Variants in PICALM observed in about 807,000 individuals in gnomAD.
PICALM encodes the protein phosphatidylinositol binding clathrin assembly protein.
In PICALM, 40 loss-of-function variants were observed where a neutral mutation model predicts 80.5. The ratio of observed to expected loss-of-function variants is 0.50; its 90% CI spans 0.39 to 0.65. PICALM has a LOEUF of 0.65. Among genes scored for constraint, PICALM ranks in the 30% least tolerant of loss-of-function variants. PICALM has a pLI of 0.00. For synonymous variants in PICALM, 288 were observed against 260.3 expected (o/e 1.11, Z -1.02); for missense variants, 676 against 778.9 (o/e 0.87, Z 1.57).
intron 11 of PICALM, among the ~76,000 whole-genome samples, chr11:86,000,097 A>G (rs2095097217): frequency 6.6e-6 from 1 of 152,256 alleles, no homozygotes; most frequent in Non-Finnish European, 1.5e-5. Flanking sequence ...CAATTGTTTT[A>G]CTTTACCTGG....
At chr11:86,033,299 T>C (rs1238320899) in intron 1 of PICALM, among the ~76,000 whole-genome samples, 1 of 152,214 alleles carries the variant, frequency 6.6e-6, no homozygotes, top group Non-Finnish European at 1.5e-5. Flanking sequence ...TACTGTACTA[T>C]GTATGTTATA....
intron 17 of PICALM, chr11:85,977,967 G>T (rs1263221551): frequency 5.9e-6 from 5 of 840,976 alleles, no homozygotes; most frequent in Non-Finnish European, 1.0e-5. Context: ...TTGAAAATCT[G>T]AATGTGAAAA....
intron 8 of PICALM, 74 bp from the exon 9 acceptor site, chr11:86,003,525 T>A: frequency 1.1e-6 from 1 of 874,764 alleles, no homozygotes; most frequent in Non-Finnish European, 1.7e-6. Context: ...ATCATCTAAT[T>A]AGAGAGCAAC....
chr11:86,032,720 T>C lies in PICALM; in HGVS notation c.131-1109A>G, dbSNP rs371521132. ...CTTTTAAAATATATATAAAATGTAATGTATAAATGTCTCAGCTATACTACA... is the reference window on the plus strand; with the variant it reads ...CTTTTAAAATATATATAAAATGTAACGTATAAATGTCTCAGCTATACTACA... On this transcript the variant is annotated intron_variant, in intron 1 of 19. Coordinates refer to ENST00000393346, the MANE Select transcript of PICALM (RefSeq NM_007166.4). Among the ~76,000 whole-genome samples, 17 of 152,252 alleles carry C rather than the reference T, an allele frequency of 1.1e-4. No individual in the cohort carries two copies. The East Asian group carries it at 2.5e-3, about 22-fold the overall frequency.
At chr11:85,971,959 T>C (rs931191072) in intron 19 of PICALM, among the ~76,000 whole-genome samples, 3 of 152,032 alleles carry the variant, frequency 2.0e-5, no homozygotes, top group African/African-American at 7.2e-5. Flanking sequence ...TTTTTTGTAT[T>C]TTTAGTAGAG....
intron 19 of PICALM, among the ~76,000 whole-genome samples, chr11:85,966,326 C>A (rs1451741172): frequency 2.0e-5 from 3 of 152,158 alleles, no homozygotes; most frequent in Non-Finnish European, 2.9e-5. Flanking sequence ...TCCACTTTAG[C>A]CTCCAAAAGT....
intron 1 of PICALM, among the ~76,000 whole-genome samples, chr11:86,036,581 C>G (rs193078418): frequency 6.6e-6 from 1 of 152,212 alleles, no homozygotes; most frequent in African/African-American, 2.4e-5. Context: ...AATCAGATGG[C>G]TTTTAGAACA....
At chr11:86,006,150 A>G (rs960825465) in intron 8 of PICALM, among the ~76,000 whole-genome samples, 1 of 152,224 alleles carries the variant, frequency 6.6e-6, no homozygotes, top group Non-Finnish European at 1.5e-5. Flanking sequence ...TATTCAAGCA[A>G]TGACTTGTCT....
At chr11:86,004,681 T>C (rs748322193) in intron 8 of PICALM, among the ~76,000 whole-genome samples, 4 of 152,124 alleles carry the variant, frequency 2.6e-5, no homozygotes, top group East Asian at 1.9e-4. Context: ...AAATATTCTA[T>C]AGGATTTGAG....
At chr11:86,053,836 G>A (rs574045193) in intron 1 of PICALM, among the ~76,000 whole-genome samples, 3 of 152,192 alleles carry the variant, frequency 2.0e-5, no homozygotes, top group South Asian at 2.1e-4. Flanking sequence ...CCAAAGTTCT[G>A]GAATTACAGG....
chr11:86,058,120 G>A (rs963185410), intron 1 of PICALM, among the ~76,000 whole-genome samples: 11 of 152,122 alleles, frequency 7.2e-5, no homozygotes, highest in East Asian at 1.9e-4. Context: ...TATTTTTTGC[G>A]ATATACTTAA....
At chr11:86,039,903 C>A (rs770794199) in intron 1 of PICALM, among the ~76,000 whole-genome samples, 1 of 149,046 alleles carries the variant, frequency 6.7e-6, no homozygotes. Flanking sequence ...ACTCAGGAGG[C>A]TGAAGCAGGA....
intron 14 of PICALM, among the ~76,000 whole-genome samples, chr11:85,983,228 G>A (rs1346276555): frequency 2.0e-5 from 3 of 152,116 alleles, no homozygotes; most frequent in African/African-American, 4.8e-5. Flanking sequence ...AAGGCCATCC[G>A]ATGGTAAGAA....
rs1257265523 is a variant in PICALM, at chr11:85,993,910, A to C, written c.1258+2916T>G. On this transcript the variant is annotated intron_variant, in intron 12 of 19. Transcript: ENST00000393346. ...TTTTTTTTTAAACATGGTAGAGACA[A>C]GGTATTGCTATATTGCCCAGGCTGG... Among the ~76,000 whole-genome samples, 8 of 152,034 alleles carry C rather than the reference A, an allele frequency of 5.3e-5. No individual in the cohort carries two copies. The South Asian group carries it at 1.7e-3, about 32-fold the overall frequency.
At chr11:86,062,878 G>C (rs2096389706) in intron 1 of PICALM, among the ~76,000 whole-genome samples, 2 of 152,164 alleles carry the variant, frequency 1.3e-5, no homozygotes, top group Admixed American at 1.3e-4. Flanking sequence ...AGAACACAAA[G>C]TAACGGAAAT....
At chr11:86,067,830 G>A (rs2096467658) in intron 1 of PICALM, among the ~76,000 whole-genome samples, 1 of 152,102 alleles carries the variant, frequency 6.6e-6, no homozygotes, top group Admixed American at 6.5e-5. Flanking sequence ...AAAGCTGGGG[G>A]GCAGAGCTGA....
chr11:86,037,869 ACTAAT>A (rs1278462517), intron 1 of PICALM, among the ~76,000 whole-genome samples: 1 of 152,196 alleles, frequency 6.6e-6, no homozygotes, highest in Non-Finnish European at 1.5e-5. Context: ...ACTTCCATAA[ACTAAT>A]CTCAGTACCT....
At chr11:85,992,200 C>T (rs1370116589) in intron 12 of PICALM, among the ~76,000 whole-genome samples, 4 of 151,594 alleles carry the variant, frequency 2.6e-5, no homozygotes, top group Admixed American at 6.6e-5. Context: ...ATACTGATGG[C>T]CACTCTAGCT....
rs567326279 is a variant in PICALM at position 85,958,178 on chromosome 11, G to A, written c.*868C>T. On this transcript the variant is annotated 3_prime_UTR_variant, in exon 20 of 20. Coordinates refer to ENST00000393346, the MANE Select transcript of PICALM (RefSeq NM_007166.4). ...CAAAGCAGTAAAGATCCTTCCCAATGCACTAATGCTGAATTTAAAATGTAG... is the reference window on the plus strand; with the variant it reads ...CAAAGCAGTAAAGATCCTTCCCAATACACTAATGCTGAATTTAAAATGTAG... 1.3e-5 allele frequency: 3 copies of A among 224,520 alleles called. No homozygotes were observed. The highest frequency in any genetic ancestry group is 5.7e-5 in the Admixed American group (1 of 17,496). 13.9% of individuals were successfully genotyped at this position (224,520 alleles called of 1,614,324 possible).
Sources: gnomAD v4.1 joint callset for allele counts (sites outside exome capture counted in the v4.1 genomes callset) on GRCh38, gnomAD v4.1.1 for gene constraint, MANE v1.5 for transcripts, NCBI Gene and HGNC (gene_info 2026-07-23, HGNC 2026-07-21) for gene names.